FSIP1: variants seen among roughly 807,000 people sequenced by gnomAD.
FSIP1 encodes the protein fibrous sheath-interacting protein 1.
In FSIP1, 65 loss-of-function variants were observed where a neutral mutation model predicts 60.9. That is an observed-to-expected ratio of 1.07 (90% CI 0.87 to 1.31). The LOEUF is 1.31. FSIP1 is among the 40% of genes most tolerant of loss of function. FSIP1 has a pLI of 0.00. For missense variants in FSIP1, 675 were observed against 665.5 expected (o/e 1.01, Z -0.16); for synonymous variants, 209 against 221.2 (o/e 0.94, Z 0.49).
chr15:39,769,700 T>C (rs1897817489), intron 3 of FSIP1, among the ~76,000 whole-genome samples: 1 of 152,354 alleles, frequency 6.6e-6, no homozygotes, highest in African/African-American at 2.4e-5. Context: ...TTTTTACTGA[T>C]TCATAGCCAG....
chr15:39,718,461 A>G (rs937030560), intron 9 of FSIP1, among the ~76,000 whole-genome samples: 4 of 151,440 alleles, frequency 2.6e-5, no homozygotes, highest in African/African-American at 9.7e-5. Flanking sequence ...TTCCTACAAT[A>G]AACATGTTAT....
intron 11 of FSIP1, among the ~76,000 whole-genome samples, chr15:39,603,811 A>G (rs1890727255): frequency 6.6e-6 from 1 of 152,236 alleles, no homozygotes; most frequent in Admixed American, 6.5e-5. Flanking sequence ...TTTATTTTTG[A>G]TAATCCTAAA....
chr15:39,664,692 T>C (rs906102093), intron 10 of FSIP1, among the ~76,000 whole-genome samples: 1 of 152,068 alleles, frequency 6.6e-6, no homozygotes, highest in Non-Finnish European at 1.5e-5. Flanking sequence ...ATCCCCACCA[T>C]CAAGTTACAA....
At chr15:39,746,728 T>C (rs1415669535) in intron 5 of FSIP1, among the ~76,000 whole-genome samples, 1 of 152,110 alleles carries the variant, frequency 6.6e-6, no homozygotes, top group African/African-American at 2.4e-5. Flanking sequence ...GCATCCTCAA[T>C]ATATCAAAAT....
chr15:39,703,667 G>C (rs772930353), intron 10 of FSIP1, among the ~76,000 whole-genome samples: 18 of 152,248 alleles, frequency 1.2e-4, no homozygotes, highest in East Asian at 5.8e-4. Flanking sequence ...GATAGGTGTA[G>C]CAAACCACCA....
intron 9 of FSIP1, among the ~76,000 whole-genome samples, chr15:39,719,539 A>C (rs1287642093): frequency 6.6e-6 from 1 of 152,228 alleles, no homozygotes; most frequent in Admixed American, 6.5e-5. Context: ...AAAATCAAAA[A>C]CAGCAAATTA....
downstream of FSIP1, chr15:39,598,181 A>G (rs1890521274): frequency 6.6e-6 from 1 of 152,222 alleles, no homozygotes; most frequent in Non-Finnish European, 1.5e-5. Flanking sequence ...TTTTAATGAA[A>G]ACAGATCAAA....
rs536785985 is a variant in FSIP1, at chr15:39,600,897, C to A, written c.1729G>T (p.Glu577Ter). 1.2e-6 allele frequency: 2 copies of A among 1,610,752 alleles called. No individual in the cohort carries two copies. ...GTCCTTGATTAGGGTTCTTTACATT[C>A]TTCTGCTGCATCTTTAGTCTCCTGC... is the stretch of plus-strand genomic sequence containing the variant. ...DEQETKDAAE[E>*]CKEP is the part of the protein sequence containing the mutation. The change falls in exon 12 of 12, where the codon GAA (glutamate) becomes TAA (stop). Residue 577 changes from glutamate to a stop codon, truncating the protein, a stop_gained. Transcript: ENST00000350221. LOFTEE classifies it high-confidence loss of function.
chr15:39,641,410 C>T (rs933567501), intron 10 of FSIP1, among the ~76,000 whole-genome samples: 16 of 152,206 alleles, frequency 1.1e-4, no homozygotes, highest in Middle Eastern at 3.4e-3. Context: ...TAAAAACACA[C>T]GACTTCCCTG....
chr15:39,735,766 G>A (rs1161874765), intron 8 of FSIP1, among the ~76,000 whole-genome samples: 3 of 152,006 alleles, frequency 2.0e-5, no homozygotes, highest in Non-Finnish European at 4.4e-5. Flanking sequence ...GTATAGAACT[G>A]TACAAAAATA....
At chr15:39,663,710 G>C (rs191544634) in intron 10 of FSIP1, among the ~76,000 whole-genome samples, 1 of 152,246 alleles carries the variant, frequency 6.6e-6, no homozygotes, top group East Asian at 1.9e-4. Context: ...GAAACAAAAG[G>C]GGTTGCAGAA....
chr15:39,708,257 C>A (rs1895360058), intron 10 of FSIP1, among the ~76,000 whole-genome samples: 1 of 152,178 alleles, frequency 6.6e-6, no homozygotes, highest in African/African-American at 2.4e-5. Context: ...AGCTCCTCCA[C>A]CTACTCACCA....
chr15:39,610,186 A>C (rs986907042), intron 11 of FSIP1, among the ~76,000 whole-genome samples: 1 of 152,240 alleles, frequency 6.6e-6, no homozygotes, highest in African/African-American at 2.4e-5. Flanking sequence ...GACACCATCA[A>C]GAAAACTAAC....
chr15:39,734,661 T>C (rs1009190679), intron 8 of FSIP1, among the ~76,000 whole-genome samples: 4 of 152,050 alleles, frequency 2.6e-5, no homozygotes, highest in Non-Finnish European at 5.9e-5. Context: ...AGATCAGAAA[T>C]AGGATATTAA....
At chr15:39,768,900 G>A (rs141910722) in intron 3 of FSIP1, among the ~76,000 whole-genome samples, 73 of 152,284 alleles carry the variant, frequency 4.8e-4, no homozygotes, top group African/African-American at 1.7e-3. Flanking sequence ...GGAAAAAAGT[G>A]GTTAACTAAA....
intron 11 of FSIP1, among the ~76,000 whole-genome samples, chr15:39,604,044 G>A (rs968847758): frequency 6.6e-6 from 1 of 152,168 alleles, no homozygotes; most frequent in Admixed American, 6.5e-5. Context: ...CGATTCTCCT[G>A]CCTCAGCCTC....
At chr15:39,698,200 T>TAC (rs1053649055) in intron 10 of FSIP1, among the ~76,000 whole-genome samples, 4 of 148,460 alleles carry the variant, frequency 2.7e-5, no homozygotes, top group Non-Finnish European at 5.9e-5. Flanking sequence ...TGTATATATA[T>TAC]ATAATATACA....
At chr15:39,735,946 A>C (rs1346732373) in intron 8 of FSIP1, among the ~76,000 whole-genome samples, 1 of 152,204 alleles carries the variant, frequency 6.6e-6, no homozygotes, top group Admixed American at 6.5e-5. Flanking sequence ...AAGGTCTTCA[A>C]GGGCAGTAAC....
intron 10 of FSIP1, among the ~76,000 whole-genome samples, chr15:39,657,974 A>G (rs1229298628): frequency 6.6e-6 from 1 of 152,206 alleles, no homozygotes; most frequent in East Asian, 1.9e-4. Context: ...AGGGCCTGTG[A>G]TGGATGGCCA....
Sources: gnomAD v4.1 joint callset for allele counts (sites outside exome capture counted in the v4.1 genomes callset) on GRCh38, gnomAD v4.1.1 for gene constraint, MANE v1.5 for transcripts, NCBI Gene and HGNC (gene_info 2026-07-23, HGNC 2026-07-21) for gene names.